CPPED1: variants seen among roughly 807,000 people sequenced by gnomAD.
CPPED1 encodes serine/threonine-protein phosphatase CPPED1.
CPPED1 carries 28 observed loss-of-function variants against 28.0 expected under a neutral mutation model. The ratio of observed to expected loss-of-function variants is 1.00; its 90% CI spans 0.74 to 1.37. The LOEUF (loss-of-function observed/expected upper bound fraction) is 1.37, where lower values mean the gene tolerates loss of function less well. CPPED1 is among the 40% of genes most tolerant of loss of function. The pLI is 0.00. For synonymous variants in CPPED1, 198 were observed against 180.2 expected, an observed-to-expected ratio of 1.10 and a Z score of -0.79; for missense variants, 504 against 416.5, an observed-to-expected ratio of 1.21 and a Z score of -1.83.
intron 2 of CPPED1, among the ~76,000 whole-genome samples, chr16:12,715,144 A>T (rs193260287): frequency 9.4e-4 from 143 of 152,248 alleles, no homozygotes; most frequent in African/African-American, 3.3e-3. Context: ...CTAATCCATT[A>T]ATCTCTATGT....
intron 3 of CPPED1, among the ~76,000 whole-genome samples, chr16:12,689,795 T>C (rs1246382754): frequency 6.6e-6 from 1 of 152,106 alleles, no homozygotes; most frequent in Non-Finnish European, 1.5e-5. Context: ...AACAGACTCT[T>C]ATGAAGATTG....
At chr16:12,732,049 G>A (rs1327088258) in intron 2 of CPPED1, among the ~76,000 whole-genome samples, 1 of 151,956 alleles carries the variant, frequency 6.6e-6, no homozygotes, top group Non-Finnish European at 1.5e-5. Context: ...TGTAATCCCA[G>A]CTACTCAGGA....
chr16:12,794,795 G>C (rs1160173472), intron 1 of CPPED1, among the ~76,000 whole-genome samples: 4 of 152,158 alleles, frequency 2.6e-5, no homozygotes, highest in African/African-American at 9.7e-5. Context: ...TGGCCTAAAT[G>C]CATCCAAAAG....
At chr16:12,798,802 A>C (rs1349159423) in intron 1 of CPPED1, among the ~76,000 whole-genome samples, 1 of 152,246 alleles carries the variant, frequency 6.6e-6, no homozygotes, top group Admixed American at 6.5e-5. Flanking sequence ...ACTAGAAGAA[A>C]GTAGTCCTAA....
At chr16:12,803,377 GC>G (rs2080672377) in intron 1 of CPPED1, among the ~76,000 whole-genome samples, 1 of 152,216 alleles carries the variant, frequency 6.6e-6, no homozygotes. Flanking sequence ...AGGCCAAGAT[GC>G]TAATGCACAG....
At chr16:12,792,327 A>T (rs2080601574) in intron 1 of CPPED1, among the ~76,000 whole-genome samples, 1 of 152,280 alleles carries the variant, frequency 6.6e-6, no homozygotes, top group South Asian at 2.1e-4. Flanking sequence ...ATTCTGACAC[A>T]TAACAATGTC....
At chr16:12,680,078 T>C (rs1048217155) in intron 3 of CPPED1, among the ~76,000 whole-genome samples, 5 of 152,212 alleles carry the variant, frequency 3.3e-5, no homozygotes, top group Non-Finnish European at 5.9e-5. Flanking sequence ...TTCTGCCTCT[T>C]ACCTTCCCAT....
intron 1 of CPPED1, among the ~76,000 whole-genome samples, chr16:12,791,498 A>G (rs2080596382): frequency 6.6e-6 from 1 of 152,120 alleles, no homozygotes; most frequent in Admixed American, 6.5e-5. Flanking sequence ...TACAGATCTT[A>G]AGATCATGTG....
intron 3 of CPPED1, among the ~76,000 whole-genome samples, chr16:12,696,552 G>C (rs939997693): frequency 2.0e-5 from 3 of 148,808 alleles, no homozygotes; most frequent in Non-Finnish European, 4.4e-5. Flanking sequence ...AGTGATTCTC[G>C]TGCCTCAGCC....
intron 2 of CPPED1, among the ~76,000 whole-genome samples, chr16:12,771,402 A>G (rs982875870): frequency 1.3e-5 from 2 of 152,270 alleles, no homozygotes; most frequent in African/African-American, 4.8e-5. Flanking sequence ...TCATTTAACC[A>G]GCATTCACTG....
intron 1 of CPPED1, among the ~76,000 whole-genome samples, chr16:12,801,676 C>T (rs2080660574): frequency 2.0e-5 from 3 of 151,984 alleles, no homozygotes; most frequent in Admixed American, 6.6e-5. Context: ...AGCACTGTTA[C>T]CAAGGGCAAA....
At chr16:12,694,852 A>AGAAC (rs1050589517) in intron 3 of CPPED1, among the ~76,000 whole-genome samples, 4 of 149,672 alleles carry the variant, frequency 2.7e-5, no homozygotes, top group Non-Finnish European at 5.9e-5. Context: ...ATCCCTGTTC[A>AGAAC]CTGCAACCTC....
intron 3 of CPPED1, among the ~76,000 whole-genome samples, chr16:12,687,632 G>A (rs954034937): frequency 1.3e-5 from 2 of 152,140 alleles, no homozygotes; most frequent in African/African-American, 2.4e-5. Flanking sequence ...CTAGCTAGGC[G>A]TGGTGGCGAG....
chr16:12,733,274 A>AT (rs11463007), intron 2 of CPPED1, among the ~76,000 whole-genome samples: 67,912 of 139,230 alleles, frequency 0.49, 17,424 homozygotes, highest in South Asian at 0.59. Context: ...CGAATTAGGA[A>AT]TTTTTTTTTT....
rs1410985893 is a variant in CPPED1, at chr16:12,663,367, G to T, written c.*1519C>A. On this transcript the variant is annotated 3_prime_UTR_variant, in exon 4 of 4. Transcript: ENST00000381774. ...TAAGCCACTGTGCCTGGCCCAATGT[G>T]TGGTTGTTATTAGCTATGCCCTTTA... The T allele has an allele frequency of 6.6e-6, 1 of 152,182 alleles. No individual in the cohort carries two copies. The highest frequency in any genetic ancestry group is 1.5e-5 in the Non-Finnish European group (1 of 68,058). The allele number at this position is 152,182 out of a possible 1,614,324, so 9.4% of individuals were successfully genotyped here.
chr16:12,788,115 C>G (rs573602696), intron 1 of CPPED1, among the ~76,000 whole-genome samples: 1 of 152,184 alleles, frequency 6.6e-6, no homozygotes, highest in Non-Finnish European at 1.5e-5. Flanking sequence ...CTTGCCTCAT[C>G]GAACCACACA....
At chr16:12,762,015 CAA>C (rs56991005) in intron 2 of CPPED1, among the ~76,000 whole-genome samples, 2 of 145,202 alleles carry the variant, frequency 1.4e-5, no homozygotes. Context: ...ACTCTGTCTC[CAA>C]AAAAAAAAAA....
chr16:12,785,675 G>A lies in CPPED1; in HGVS notation c.71-4272C>T, dbSNP rs577134869. On this transcript the variant is annotated intron_variant, in intron 1 of 3. Transcript: ENST00000381774. ...GCTCCTGGCCTCAAATGATCTGCCC[G>A]CCTTGGCCTTGGACTCCCAAAGTAC... Among the ~76,000 whole-genome samples the A allele has an allele frequency of 1.8e-4, 27 of 151,072 alleles. No homozygotes were observed. In the East Asian group the frequency reaches 4.2e-3, roughly 23 times the overall value.
chr16:12,780,663 T>C (rs971802125), intron 2 of CPPED1, among the ~76,000 whole-genome samples: 1 of 150,170 alleles, frequency 6.7e-6, no homozygotes, highest in South Asian at 2.1e-4. Context: ...GCTGACCCCC[T>C]AGATCCAGCT....
Sources: allele counts gnomAD v4.1 joint callset (sites outside exome capture counted in the v4.1 genomes callset), GRCh38; gene constraint gnomAD v4.1.1; transcripts MANE v1.5; gene names NCBI Gene and HGNC (gene_info 2026-07-23, HGNC 2026-07-21).